The following HSD17B2 variants were observed in gnomAD, a reference collection of about 807,000 sequenced individuals.
HSD17B2 encodes the protein 17-beta-hydroxysteroid dehydrogenase type 2.
In HSD17B2, 32 loss-of-function variants were observed where a neutral mutation model predicts 26.9. That is an observed-to-expected ratio of 1.19 (90% CI 0.90 to 1.60). The LOEUF (loss-of-function observed/expected upper bound fraction) is 1.60. Ranked by LOEUF, HSD17B2 falls within the 40% of genes most tolerant of loss-of-function variation. The pLI is 0.00. For missense variants in HSD17B2, 613 were observed against 468.6 expected (o/e 1.31, Z -2.85); for synonymous variants, 246 against 186.7 (o/e 1.32, Z -2.59).
At chr16:82,080,861 C>T (rs1468681165) in intron 3 of HSD17B2, among the ~76,000 whole-genome samples, 1 of 152,224 alleles carries the variant, frequency 6.6e-6, no homozygotes, top group East Asian at 1.9e-4. Flanking sequence ...GTCAATCAAA[C>T]AGATTTTACT....
chr16:82,082,323 T>G (rs1904405812), intron 3 of HSD17B2, among the ~76,000 whole-genome samples: 1 of 152,138 alleles, frequency 6.6e-6, no homozygotes, highest in Non-Finnish European at 1.5e-5. Context: ...AGAGTTGGAA[T>G]GTACACATTG....
intron 3 of HSD17B2, among the ~76,000 whole-genome samples, chr16:82,077,026 A>G (rs566185387): frequency 6.6e-6 from 1 of 152,362 alleles, no homozygotes; most frequent in Admixed American, 6.5e-5. Flanking sequence ...GAGGACACAA[A>G]AGATTGAAAG....
At chr16:82,065,720 T>C (rs1210889674) in intron 1 of HSD17B2, among the ~76,000 whole-genome samples, 1 of 152,220 alleles carries the variant, frequency 6.6e-6, no homozygotes, top group Admixed American at 6.5e-5. Context: ...CAAACCTCCC[T>C]TCTCTGCTGA....
chr16:82,066,207 C>T (rs1442664096), intron 1 of HSD17B2, among the ~76,000 whole-genome samples: 3 of 152,228 alleles, frequency 2.0e-5, no homozygotes, highest in South Asian at 4.1e-4. Flanking sequence ...CCATCTCCTC[C>T]TCTGGCCAGC....
intron 3 of HSD17B2, among the ~76,000 whole-genome samples, chr16:82,074,463 G>C (rs1254417763): frequency 6.6e-6 from 1 of 152,232 alleles, no homozygotes; most frequent in Non-Finnish European, 1.5e-5. Context: ...AGGGCCGGGA[G>C]TTTGTGTAAA....
At chr16:82,068,739 C>G (rs1369068817) in intron 2 of HSD17B2, among the ~76,000 whole-genome samples, 1 of 152,150 alleles carries the variant, frequency 6.6e-6, no homozygotes, top group East Asian at 1.9e-4. Flanking sequence ...GGTCACTGTC[C>G]TTCTTTACCC....
chr16:82,084,963 A>G (rs1024461164), intron 3 of HSD17B2, among the ~76,000 whole-genome samples: 2 of 152,174 alleles, frequency 1.3e-5, no homozygotes, highest in African/African-American at 4.8e-5. Context: ...GCCTCAAACA[A>G]TCCTCTTGTC....
At chr16:82,083,922 G>A (rs528295652) in intron 3 of HSD17B2, among the ~76,000 whole-genome samples, 2 of 152,236 alleles carry the variant, frequency 1.3e-5, no homozygotes, top group East Asian at 1.9e-4. Context: ...CAGAGGCATG[G>A]GAGGCAACTC....
At chr16:82,077,043 C>T (rs1168283852) in intron 3 of HSD17B2, among the ~76,000 whole-genome samples, 7 of 152,088 alleles carry the variant, frequency 4.6e-5, no homozygotes, top group Non-Finnish European at 1.0e-4. Context: ...AAAGATATTC[C>T]ATGTCCATAG....
At chr16:82,091,425 CTG>C in intron 4 of HSD17B2, 1 of 266,012 alleles carries the variant, frequency 3.8e-6, no homozygotes, top group South Asian at 4.5e-5. Flanking sequence ...AAACAGAGGT[CTG>C]ATCCTTGATG....
intron 3 of HSD17B2, among the ~76,000 whole-genome samples, chr16:82,074,255 TC>T (rs572746502): frequency 1.9e-3 from 288 of 152,274 alleles, no homozygotes; most frequent in African/African-American, 6.7e-3. Flanking sequence ...CTCTCTTCTT[TC>T]TCCCACCCAC....
intron 3 of HSD17B2, among the ~76,000 whole-genome samples, chr16:82,082,912 C>G (rs1431132251): frequency 6.6e-6 from 1 of 152,180 alleles, no homozygotes; most frequent in Non-Finnish European, 1.5e-5. Context: ...GGCCTGTAAG[C>G]TAGAACTTGA....
In HSD17B2 at chr16:82,088,599, G is replaced by A. The variant is rs528420807; in HGVS notation, c.665-2303G>A. On this transcript the variant is annotated intron_variant, in intron 3 of 4. Transcript: ENST00000199936. ...AAGTGAGAACTCTGGCTAACCCCAC[G>A]AACTGGGATTGCCACACAGCCCATG... is the stretch of plus-strand genomic sequence containing the variant. Among the ~76,000 whole-genome samples, 6 of 152,262 alleles carry A rather than the reference G, an allele frequency of 3.9e-5. No homozygotes were observed. In the East Asian group the frequency reaches 9.7e-4, roughly 24 times the overall value.
chr16:82,096,730 A>C (rs1355772769), intron 4 of HSD17B2: 1 of 152,162 alleles, frequency 6.6e-6, no homozygotes, highest in Non-Finnish European at 1.5e-5. Context: ...AAATAAGCGC[A>C]GTGCCCATCA....
At position 82,055,817 on chromosome 16, in the gene HSD17B2, C is replaced by A. The variant is rs549638327; in HGVS notation, c.266-12353C>A. ...AAGCGTGGATCCAACTAGAAAATAACACAATGCTCTGGTGTGAGTGAGGGT... is the reference window on the plus strand; with the variant it reads ...AAGCGTGGATCCAACTAGAAAATAAAACAATGCTCTGGTGTGAGTGAGGGT... On this transcript the variant is annotated intron_variant, in intron 1 of 4. Coordinates refer to ENST00000199936, the MANE Select transcript of HSD17B2 (RefSeq NM_002153.3). Among the ~76,000 whole-genome samples the A allele has an allele frequency of 3.3e-5, 5 of 152,276 alleles. No individual in the cohort carries two copies. In the East Asian group the frequency reaches 9.7e-4, roughly 29 times the overall value.
At chr16:82,090,127 G>A (rs908136661) in intron 3 of HSD17B2, 24 of 574,796 alleles carry the variant, frequency 4.2e-5, no homozygotes, top group Admixed American at 6.4e-5. Context: ...GTTATTCCTC[G>A]TTGCAACAAG....
intron 3 of HSD17B2, among the ~76,000 whole-genome samples, chr16:82,082,310 G>C (rs1904405477): frequency 6.6e-6 from 1 of 152,082 alleles, no homozygotes; most frequent in South Asian, 2.1e-4. Flanking sequence ...GGCAGAGGTA[G>C]CCAGAGTTGG....
chr16:82,066,528 G>T lies in HSD17B2; in HGVS notation c.266-1642G>T, dbSNP rs8191124. On this transcript the variant is annotated intron_variant, in intron 1 of 4. Coordinates refer to ENST00000199936, the MANE Select transcript of HSD17B2 (RefSeq NM_002153.3). ...ATAGCCTTTAAAAAAAGAAATTACA[G>T]AAGAAAAATAAGTACTTTTTTGTAG... Among the ~76,000 whole-genome samples, 935 of 152,220 alleles carry T rather than the reference G, an allele frequency of 6.1e-3. 11 individuals are homozygous for T. The highest frequency in any genetic ancestry group is 0.022 in the African/African-American group (897 of 41,536).
intron 3 of HSD17B2, 67 bp from the exon 4 acceptor site, chr16:82,090,835 A>T: frequency 7.0e-7 from 1 of 1,438,064 alleles, no homozygotes; most frequent in Non-Finnish European, 9.4e-7. Flanking sequence ...GACACTGATT[A>T]AATATTTATT....
Sources: allele counts gnomAD v4.1 joint callset (sites outside exome capture counted in the v4.1 genomes callset), GRCh38; gene constraint gnomAD v4.1.1; transcripts MANE v1.5; gene names NCBI Gene and HGNC (gene_info 2026-07-23, HGNC 2026-07-21).